PMVK: variants seen among roughly 807,000 people sequenced by gnomAD.
The protein encoded by PMVK is phosphomevalonate kinase.
Under a neutral mutation model 19.0 loss-of-function variants are expected in PMVK, and 10 were observed. That is an observed-to-expected ratio of 0.53 (90% CI 0.32 to 0.89). The LOEUF is 0.89. PMVK is among the 40% of genes least tolerant of loss of function. The pLI, the probability that PMVK is intolerant of heterozygous loss-of-function variation, is 0.03. For synonymous variants in PMVK, 108 were observed against 101.6 expected, an observed-to-expected ratio of 1.06 and a Z score of -0.38; for missense variants, 222 against 251.1, an observed-to-expected ratio of 0.88 and a Z score of 0.78.
chr1:154,940,814 G>A (rs543727644), upstream of PMVK, among the ~76,000 whole-genome samples: 5 of 152,250 alleles, frequency 3.3e-5, no homozygotes, highest in East Asian at 3.9e-4. Context: ...ATCTTTTCCC[G>A]CCAGCTCCTG....
At position 154,932,395 on chromosome 1, in the gene PMVK, G is replaced by A. The variant is rs1477318671; in HGVS notation, c.116C>T (p.Ala39Val). The stretch of plus-strand genomic sequence containing the variant: ...GAGTGGACCAGAGAGCCGGAGGACA[G>A]CACAGACATCAGCTCCAAGTCTGCA... ...LQSRLGADVC[A>V]VLRLSGPLKE... Residue 39 changes from alanine (A) to valine (V), a missense_variant, in exon 2 of 5, where the codon GCT becomes GTT. Physicochemically the swap from Ala to Val is moderately conservative, Grantham distance 64. Coordinates refer to ENST00000368467, the MANE Select transcript of PMVK (RefSeq NM_006556.4). The A allele has an allele frequency of 6.2e-7, 1 of 1,612,260 alleles. No individual in the cohort carries two copies. Among genetic ancestry groups the A allele is most frequent in the Admixed American group, 1.7e-5 (1 of 59,856 alleles).
At chr1:154,934,107 C>T (rs1654427987) in intron 1 of PMVK, among the ~76,000 whole-genome samples, 1 of 152,300 alleles carries the variant, frequency 6.6e-6, no homozygotes, top group East Asian at 1.9e-4. Flanking sequence ...TTAAGCTATT[C>T]TCCTGCCTCA....
chr1:154,934,585 G>A (rs1321099968), intron 1 of PMVK, among the ~76,000 whole-genome samples: 1 of 152,156 alleles, frequency 6.6e-6, no homozygotes, highest in Non-Finnish European at 1.5e-5. Flanking sequence ...TGTGAAAGGA[G>A]GATTGACTCC....
Position 154,928,949 on chromosome 1 carries a change from G to A in PMVK, c.312+75C>T, listed in dbSNP as rs970742371. The A allele has an allele frequency of 5.1e-5, 73 of 1,432,748 alleles. 1 individual carries two copies. The South Asian group carries it at 6.4e-4, about 13-fold the overall frequency. 88.8% of individuals were successfully genotyped at this position (1,432,748 alleles called of 1,614,324 possible). On this transcript the variant is annotated intron_variant, in intron 3 of 4. Coordinates refer to ENST00000368467, the MANE Select transcript of PMVK (RefSeq NM_006556.4). ...GGGCTTGGGCCAGGATGGTGGCAGT[G>A]GAGACAGAGAGAGATGGACACAGCG...
intron 1 of PMVK, among the ~76,000 whole-genome samples, chr1:154,934,663 G>A (rs1299465743): frequency 6.6e-6 from 1 of 152,120 alleles, no homozygotes; most frequent in Non-Finnish European, 1.5e-5. Context: ...TTTAGTTCCT[G>A]CACCTCTGCT....
chr1:154,941,994 G>A, the PMVK span, among the ~76,000 whole-genome samples: 3 of 152,072 alleles, frequency 2.0e-5, no homozygotes, highest in African/African-American at 7.2e-5. Context: ...TGCAGACTGG[G>A]GACTACCAGG....
chr1:154,941,485 C>G (rs2101978437), upstream of PMVK, among the ~76,000 whole-genome samples: 1 of 152,268 alleles, frequency 6.6e-6, no homozygotes, highest in South Asian at 2.1e-4. Flanking sequence ...CCTACCAGAC[C>G]CCTGCTGTGA....
intron 3 of PMVK, 103 bp from the exon 4 acceptor site, chr1:154,926,586 C>G: frequency 4.3e-6 from 4 of 935,404 alleles, no homozygotes; most frequent in African/African-American, 1.6e-5. Flanking sequence ...GTGGCTCTAC[C>G]CCCCCATCAT....
chr1:154,932,317 G>C, intron 2 of PMVK, 35 bp downstream of exon 2: 1 of 1,536,650 alleles, frequency 6.5e-7, no homozygotes, highest in Non-Finnish European at 9.0e-7. Context: ...AGCCGGCCCC[G>C]CCCAACACAC....
chr1:154,929,739 C>T (rs750839521), intron 2 of PMVK, among the ~76,000 whole-genome samples: 1 of 152,074 alleles, frequency 6.6e-6, no homozygotes, highest in African/African-American at 2.4e-5. Flanking sequence ...CCAGAGGACC[C>T]CCAAGGCAGG....
intron 4 of PMVK, among the ~76,000 whole-genome samples, chr1:154,925,511 C>CA (rs1338568688): frequency 2.2e-4 from 33 of 152,232 alleles, no homozygotes; most frequent in African/African-American, 7.5e-4. Context: ...CTACTGCCTA[C>CA]AGAGGGTGAA....
intron 1 of PMVK, among the ~76,000 whole-genome samples, chr1:154,935,275 G>C (rs1170944322): frequency 6.6e-6 from 1 of 152,042 alleles, no homozygotes; most frequent in African/African-American, 2.4e-5. Flanking sequence ...GAAAAATTCA[G>C]GTGGTGACCT....
At chr1:154,940,444 C>T (rs1274259117), upstream of PMVK, among the ~76,000 whole-genome samples, 17 of 152,254 alleles carry the variant, frequency 1.1e-4, no homozygotes, top group South Asian at 1.7e-3. Flanking sequence ...ATTAGTGGCA[C>T]CCCTCCCATT....
chr1:154,925,893 C>T (rs945306239), intron 4 of PMVK, among the ~76,000 whole-genome samples: 8 of 152,220 alleles, frequency 5.3e-5, no homozygotes, highest in African/African-American at 1.9e-4. Context: ...TGGATCTGAA[C>T]TGCTGCTCTA....
At chr1:154,939,209 C>A (rs978102794), upstream of PMVK, among the ~76,000 whole-genome samples, 1 of 152,154 alleles carries the variant, frequency 6.6e-6, no homozygotes, top group Non-Finnish European at 1.5e-5. Flanking sequence ...TATGGACACA[C>A]CCTGGGCTTT....
At chr1:154,934,221 A>G (rs1372077271) in intron 1 of PMVK, among the ~76,000 whole-genome samples, 6 of 152,118 alleles carry the variant, frequency 3.9e-5, no homozygotes, top group Non-Finnish European at 2.9e-5. Flanking sequence ...CTGGTCTCGA[A>G]CTCCTGAGCT....
rs1366909970 is a variant in PMVK at position 154,936,612 on chromosome 1, A to G, written c.74T>C (p.Val25Ala). The change falls in exon 1 of 5, where the codon GTG becomes GCG. Residue 25 changes from valine (V) to alanine (A), a missense_variant. Transcript: ENST00000368467. The part of the protein sequence containing the change: ...SGKRKSGKDF[V>A]TEALQSRLGA... ...ACACCTGCTCTGCAGCGCCTCGGTC[A>G]CGAAGTCCTTCCCGGATTTCCTCTT... The G allele has an allele frequency of 1.2e-6, 2 of 1,607,576 alleles. No individual in the cohort carries two copies. Among genetic ancestry groups the G allele is most frequent in the Non-Finnish European group, 1.7e-6 (2 of 1,177,356 alleles).
Position 154,935,053 on chromosome 1 carries a change from C to T in PMVK, c.95+1538G>A, listed in dbSNP as rs543132777. Among the ~76,000 whole-genome samples the T allele has an allele frequency of 3.0e-4, 36 of 119,240 alleles. 1 individual carries two copies. The East Asian group carries it at 5.9e-3, about 20-fold the overall frequency. 78.2% of individuals were successfully genotyped at this position (119,240 alleles called of 152,430 possible). A position where few individuals can be genotyped will look rare whatever the true frequency, so the allele number is the denominator to read the frequency against. On this transcript the variant is annotated intron_variant, in intron 1 of 4. Coordinates refer to ENST00000368467, the MANE Select transcript of PMVK (RefSeq NM_006556.4). ...CAGCCTGGGTGACAGAGCAAGACTC[C>T]GTCTCAAAAAAAAAAAAAAAAAAAA...
Position 154,925,242 on chromosome 1 carries a change from A to G in PMVK, c.466T>C (p.Cys156Arg). ...AAGTCCCCGAAGTTGTCCAGGCCAC[A>G]TTCTGACTCAGCATCGTCCACCCCT... Reference protein sequence around the residue: ...TPGVDDAESECGLDNFGDFDW... With the variant: ...TPGVDDAESERGLDNFGDFDW... The change falls in exon 5 of 5, where the codon TGT (cysteine) becomes CGT (arginine). Residue 156 changes from cysteine (C) to arginine (R), a missense_variant. Physicochemically the swap from Cys to Arg is radical, Grantham distance 180 (BLOSUM62 -3). Transcript: ENST00000368467. 1.9e-6 allele frequency: 3 copies of G among 1,614,120 alleles called. No homozygotes were observed. The highest frequency in any genetic ancestry group is 2.5e-6 in the Non-Finnish European group (3 of 1,179,976).
Sources: gnomAD v4.1 joint callset for allele counts (sites outside exome capture counted in the v4.1 genomes callset) on GRCh38, gnomAD v4.1.1 for gene constraint, MANE v1.5 for transcripts, NCBI Gene and HGNC (gene_info 2026-07-23, HGNC 2026-07-21) for gene names.